Variants in GLIS3 observed in about 807,000 individuals in gnomAD.
GLIS3 encodes the protein zinc finger protein GLIS3.
Under a neutral mutation model 78.6 loss-of-function variants are expected in GLIS3, and 53 were observed. The ratio of observed to expected loss-of-function variants is 0.67; its 90% CI spans 0.54 to 0.85. The LOEUF (loss-of-function observed/expected upper bound fraction) is 0.85, where lower values mean the gene tolerates loss of function less well. Among genes scored for constraint, GLIS3 ranks in the 40% least tolerant of loss-of-function variants. GLIS3 has a pLI of 0.00. For missense variants in GLIS3, 1,703 were observed against 1,231.1 expected (o/e 1.38, Z -5.74); for synonymous variants, 684 against 509.9 (o/e 1.34, Z -4.60).
At chr9:4,191,143 A>G (rs1818297949) in intron 2 of GLIS3, among the ~76,000 whole-genome samples, 1 of 150,494 alleles carries the variant, frequency 6.6e-6, no homozygotes, top group African/African-American at 2.4e-5. Flanking sequence ...CAAAATAACC[A>G]GCTAACATCA....
chr9:4,319,479 T>C (rs1332265663), intron 2 of GLIS3, among the ~76,000 whole-genome samples: 5 of 152,228 alleles, frequency 3.3e-5, no homozygotes, highest in Non-Finnish European at 7.3e-5. Context: ...TAAACATTTT[T>C]AAATGTTTTA....
chr9:3,868,300 G>A (rs1820739000), intron 8 of GLIS3, among the ~76,000 whole-genome samples: 1 of 152,162 alleles, frequency 6.6e-6, no homozygotes, highest in Admixed American at 6.5e-5. Flanking sequence ...AGACAAGTGA[G>A]ACCAAGTTAT....
chr9:3,866,450 G>C (rs1437952588), intron 8 of GLIS3, among the ~76,000 whole-genome samples: 1 of 150,132 alleles, frequency 6.7e-6, no homozygotes, highest in Non-Finnish European at 1.5e-5. Flanking sequence ...AACAGAGCGA[G>C]ACTGTCTCAG....
rs1165127450 is a variant in GLIS3 at position 4,235,144 on chromosome 9, A to T, written c.388+50894T>A. ...AAACTCTGTCTCTACTAAAAATTTA[A>T]AAAAAATCGCTGGGCGTGGTGGCAC... On this transcript the variant is annotated intron_variant, in intron 2 of 10. Transcript: ENST00000381971. Among the ~76,000 whole-genome samples the T allele has an allele frequency of 3.3e-5, 5 of 151,982 alleles. No individual in the cohort carries two copies. The East Asian group carries it at 5.8e-4, about 18-fold the overall frequency.
chr9:4,429,051 T>A, the GLIS3 span, among the ~76,000 whole-genome samples: 2 of 152,184 alleles, frequency 1.3e-5, no homozygotes, highest in Non-Finnish European at 2.9e-5. Flanking sequence ...CTGCATCCAC[T>A]CTATCAGGTG....
At chr9:4,199,018 G>C (rs928684797) in intron 2 of GLIS3, among the ~76,000 whole-genome samples, 11 of 152,226 alleles carry the variant, frequency 7.2e-5, no homozygotes, top group African/African-American at 2.6e-4. Flanking sequence ...AGCCCTAAGG[G>C]AATTCACCAC....
chr9:4,470,324 T>A, the GLIS3 span, among the ~76,000 whole-genome samples: 7 of 152,060 alleles, frequency 4.6e-5, no homozygotes, highest in African/African-American at 1.7e-4. Flanking sequence ...TAGGCCAATA[T>A]CCCCGATGAA....
chr9:4,195,745 C>T (rs941089192), intron 2 of GLIS3, among the ~76,000 whole-genome samples: 6 of 152,248 alleles, frequency 3.9e-5, no homozygotes, highest in Non-Finnish European at 7.3e-5. Flanking sequence ...GCTCCTGAGT[C>T]GGGTGGGGTC....
the GLIS3 span, among the ~76,000 whole-genome samples, chr9:4,447,219 T>G: frequency 6.6e-6 from 1 of 152,078 alleles, no homozygotes; most frequent in African/African-American, 2.4e-5. Context: ...GGCTAATTAT[T>G]TCATTTTTTA....
intron 2 of GLIS3, among the ~76,000 whole-genome samples, chr9:4,248,753 G>A (rs1029640599): frequency 3.3e-5 from 5 of 152,150 alleles, no homozygotes; most frequent in African/African-American, 9.7e-5. Context: ...AGCATCTGTT[G>A]TTTCCTGACT....
rs142088450 is a variant in GLIS3 at position 3,841,169 on chromosome 9, G to A, written c.2474-11677C>T. ...CCCAAACCACCCAAAACCCTAGTGC[G>A]TGGTGGCCTATGGCTTCCAAATTCT... On this transcript the variant is annotated intron_variant, in intron 9 of 10. Coordinates refer to ENST00000381971, the MANE Select transcript of GLIS3 (RefSeq NM_001042413.2). 9.8e-5 allele frequency among the ~76,000 whole-genome samples: 15 copies of A among 152,324 alleles called. No homozygotes were observed. The East Asian group carries it at 2.1e-3, about 22-fold the overall frequency.
At chr9:4,115,753 C>A (rs972197869) in intron 4 of GLIS3, among the ~76,000 whole-genome samples, 5 of 152,118 alleles carry the variant, frequency 3.3e-5, no homozygotes, top group African/African-American at 1.2e-4. Context: ...ACTAGAATTG[C>A]AGCATTAATC....
At chr9:4,471,245 GA>G in the GLIS3 span, among the ~76,000 whole-genome samples, 1 of 152,096 alleles carries the variant, frequency 6.6e-6, no homozygotes, top group Admixed American at 6.6e-5. Flanking sequence ...CACAGAATTG[GA>G]AAAAACTACT....
chr9:4,086,577 A>C (rs1217232502), intron 4 of GLIS3, among the ~76,000 whole-genome samples: 1 of 152,248 alleles, frequency 6.6e-6, no homozygotes, highest in African/African-American at 2.4e-5. Context: ...CAGACACAGG[A>C]AATTGTGAAA....
intron 2 of GLIS3, among the ~76,000 whole-genome samples, chr9:4,164,974 C>CT (rs35154236): frequency 6.6e-6 from 1 of 152,098 alleles, no homozygotes; most frequent in Non-Finnish European, 1.5e-5. Context: ...TCTTGGTTTC[C>CT]TTTTTAAGGT....
intron 1 of GLIS3, among the ~76,000 whole-genome samples, chr9:4,294,540 G>T (rs1250160428): frequency 6.6e-6 from 1 of 151,728 alleles, no homozygotes; most frequent in Non-Finnish European, 1.5e-5. Flanking sequence ...AATAATAAAT[G>T]AGAATCCACA....
the GLIS3 span, among the ~76,000 whole-genome samples, chr9:4,374,289 C>G: frequency 6.6e-6 from 1 of 152,196 alleles, no homozygotes; most frequent in African/African-American, 2.4e-5. Context: ...GGGCTAAATC[C>G]TCTATATCTT....
intron 2 of GLIS3, among the ~76,000 whole-genome samples, chr9:4,272,357 T>A (rs571908070): frequency 6.6e-6 from 1 of 152,212 alleles, no homozygotes; most frequent in East Asian, 1.9e-4. Flanking sequence ...AGGAAATCAC[T>A]CCCAATTGCC....
At chr9:4,267,713 G>A (rs971352373) in intron 2 of GLIS3, among the ~76,000 whole-genome samples, 1 of 152,094 alleles carries the variant, frequency 6.6e-6, no homozygotes, top group South Asian at 2.1e-4. Context: ...ACGATAAGAA[G>A]AAAGGAATAT....
Sources: allele counts gnomAD v4.1 joint callset (sites outside exome capture counted in the v4.1 genomes callset), GRCh38; gene constraint gnomAD v4.1.1; transcripts MANE v1.5; gene names NCBI Gene and HGNC (gene_info 2026-07-23, HGNC 2026-07-21).